KIRREL3: variants seen among roughly 807,000 people sequenced by gnomAD.
The protein encoded by KIRREL3 is kirre like nephrin family adhesion molecule 3.
KIRREL3 carries 36 observed loss-of-function variants against 89.7 expected under a neutral mutation model. The ratio of observed to expected loss-of-function variants is 0.40; its 90% CI spans 0.31 to 0.53. The LOEUF (loss-of-function observed/expected upper bound fraction) is 0.53, where lower values mean the gene tolerates loss of function less well. Ranked by LOEUF, KIRREL3 falls within the 20% of genes least tolerant of loss-of-function variation. The pLI is 0.49. For missense variants in KIRREL3, 864 were observed against 1,056.6 expected, an observed-to-expected ratio of 0.82 and a Z score of 2.53; for synonymous variants, 445 against 441.4, an observed-to-expected ratio of 1.01 and a Z score of -0.10.
Position 126,557,734 on chromosome 11 carries a change from C to T in KIRREL3, c.133+5101G>A, listed in dbSNP as rs1453698563. ...TCGAAGAAATGAGATTCTCAACCTC[C>T]CAGGGCTCTGACTCCCCTGTAAGGC... On this transcript the variant is annotated intron_variant, in intron 2 of 16. Transcript: ENST00000525144. The surrounding 1 kb of genome is among the most constrained non-coding windows in gnomAD (Gnocchi z 5.6). Among the ~76,000 whole-genome samples the T allele has an allele frequency of 6.6e-6, 1 of 152,186 alleles. No individual in the cohort carries two copies. Among genetic ancestry groups the T allele is most frequent in the Non-Finnish European group, 1.5e-5 (1 of 68,034 alleles).
chr11:126,432,205 GC>G lies in KIRREL3; in HGVS notation c.1589-680del, dbSNP rs1435796444. Among the ~76,000 whole-genome samples the G allele has an allele frequency of 6.6e-6, 1 of 152,040 alleles. No individual in the cohort carries two copies. The highest frequency in any genetic ancestry group is 2.4e-5 in the African/African-American group (1 of 41,402). Reference sequence around the variant, plus strand: ...GGTCTGCAGCTTCTCCCTCAAGGCTGCCCCTCTGAGCATCCTTGCACCCCTC... The same window carrying G: ...GGTCTGCAGCTTCTCCCTCAAGGCTGCCCTCTGAGCATCCTTGCACCCCTC... On this transcript the variant is annotated intron_variant, in intron 13 of 16. Transcript: ENST00000525144. This position sits in a 1 kb window ranked among gnomAD's most constrained non-coding sequence, Gnocchi z 6.2.
chr11:126,644,941 G>A (rs1214468604), intron 1 of KIRREL3, among the ~76,000 whole-genome samples: 1 of 152,200 alleles, frequency 6.6e-6, no homozygotes, highest in Non-Finnish European at 1.5e-5. Context: ...AACGTGCCAA[G>A]TCCTACAAGG....
chr11:126,840,647 G>C (rs1806135056), intron 1 of KIRREL3, among the ~76,000 whole-genome samples: 1 of 152,128 alleles, frequency 6.6e-6, no homozygotes, highest in African/African-American at 2.4e-5. Context: ...ATGCCATTCT[G>C]GGTAGCGTGA....
Position 126,454,618 on chromosome 11 carries a change from A to T in KIRREL3, c.848+1731T>A, listed in dbSNP as rs1565467621. ...GAGGAGAGAAGCTGAACTTGTATGG[A>T]GAAACCCAGGCCTGGCAGGTGCAGC... On this transcript the variant is annotated intron_variant, in intron 7 of 16. Transcript: ENST00000525144. This position sits in a 1 kb window ranked among gnomAD's most constrained non-coding sequence, Gnocchi z 5.8. 6.6e-6 allele frequency among the ~76,000 whole-genome samples: 1 copy of T among 152,080 alleles called. No homozygotes were observed. Among genetic ancestry groups the T allele is most frequent in the Non-Finnish European group, 1.5e-5 (1 of 68,004 alleles).
chr11:126,464,764 G>T (rs777309470), intron 5 of KIRREL3, among the ~76,000 whole-genome samples: 15 of 152,126 alleles, frequency 9.9e-5, no homozygotes, highest in Admixed American at 3.3e-4. Flanking sequence ...CCTTTGGAGG[G>T]GCACAGCCCT....
intron 1 of KIRREL3, among the ~76,000 whole-genome samples, chr11:126,902,371 T>A (rs1183009057): frequency 6.6e-6 from 1 of 152,222 alleles, no homozygotes; most frequent in Non-Finnish European, 1.5e-5. Context: ...TTTATTCCAA[T>A]TCTTTGGATT....
rs757950954 is a variant in KIRREL3 at position 126,551,581 on chromosome 11, C to A, written c.133+11254G>T. The stretch of plus-strand genomic sequence containing the variant: ...CTTACAGCAAAAGAATATATATGAT[C>A]ATTTAACAATTAGTCCAGTGCACTG... On this transcript the variant is annotated intron_variant, in intron 2 of 16. Transcript: ENST00000525144. This position sits in a 1 kb window ranked among gnomAD's most constrained non-coding sequence, Gnocchi z 4.9. Among the ~76,000 whole-genome samples, 2 of 151,952 alleles carry A rather than the reference C, an allele frequency of 1.3e-5. No individual in the cohort carries two copies. Among genetic ancestry groups the A allele is most frequent in the Non-Finnish European group, 2.9e-5 (2 of 67,988 alleles).
chr11:126,648,306 A>C (rs1055514492), intron 1 of KIRREL3, among the ~76,000 whole-genome samples: 4 of 152,156 alleles, frequency 2.6e-5, no homozygotes, highest in Non-Finnish European at 5.9e-5. Flanking sequence ...GGATGAGTGC[A>C]CTTGTGCTGG....
intron 1 of KIRREL3, among the ~76,000 whole-genome samples, chr11:126,572,773 C>T (rs1414019223): frequency 6.6e-6 from 1 of 152,146 alleles, no homozygotes; most frequent in Non-Finnish European, 1.5e-5. Flanking sequence ...AGGGGCGGGG[C>T]TGCTATTTAG....
chr11:126,903,069 C>A lies in KIRREL3; in HGVS notation c.55+97386G>T, dbSNP rs1223630248. Among the ~76,000 whole-genome samples, 2 of 152,122 alleles carry A rather than the reference C, an allele frequency of 1.3e-5. No homozygotes were observed. Among genetic ancestry groups the A allele is most frequent in the African/African-American group, 2.4e-5 (1 of 41,432 alleles). ...ATCATTTACTCAGCAGCATATTGTA[C>A]CTTTGCCTATTGTTTTCTTACTTGT... On this transcript the variant is annotated intron_variant, in intron 1 of 16. Coordinates refer to ENST00000525144, the MANE Select transcript of KIRREL3 (RefSeq NM_032531.4). This position sits in a 1 kb window ranked among gnomAD's most constrained non-coding sequence, Gnocchi z 4.5.
intron 1 of KIRREL3, among the ~76,000 whole-genome samples, chr11:126,646,532 T>C (rs896710069): frequency 2.7e-5 from 4 of 147,996 alleles, no homozygotes; most frequent in African/African-American, 5.0e-5. Flanking sequence ...TGGAGTGCAG[T>C]GGCATGACCT....
Position 126,610,737 on chromosome 11 carries a change from G to A in KIRREL3, c.56-47825C>T, listed in dbSNP as rs993348576. ...CCATCCTTCCCTGGGATCTCTTGGA[G>A]GGCTCTCCATCTCTCTTAGAGCAGT... On this transcript the variant is annotated intron_variant, in intron 1 of 16. Transcript: ENST00000525144. The surrounding 1 kb of genome is among the most constrained non-coding windows in gnomAD (Gnocchi z 4.6). 1 of 152,194 alleles carries A rather than the reference G, an allele frequency of 6.6e-6. No individual in the cohort carries two copies. The highest frequency in any genetic ancestry group is 1.5e-5 in the Non-Finnish European group (1 of 68,052). 9.4% of individuals were successfully genotyped at this position (152,194 alleles called of 1,614,324 possible).
chr11:126,708,001 G>T lies in KIRREL3; in HGVS notation c.56-145089C>A, dbSNP rs754296989. 3.3e-5 allele frequency among the ~76,000 whole-genome samples: 5 copies of T among 152,116 alleles called. No homozygotes were observed. Among genetic ancestry groups the T allele is most frequent in the African/African-American group, 1.2e-4 (5 of 41,426 alleles). ...TTACATGGGGTAGCGGGGTCAAGTC[G>T]GTGGAGGGTGAAACAGGCGATTGGC... On this transcript the variant is annotated intron_variant, in intron 1 of 16. Transcript: ENST00000525144. The surrounding 1 kb of genome is among the most constrained non-coding windows in gnomAD (Gnocchi z 5.7).
At chr11:127,002,295 A>T (rs993385189), upstream of KIRREL3, among the ~76,000 whole-genome samples, 1 of 152,250 alleles carries the variant, frequency 6.6e-6, no homozygotes, top group Non-Finnish European at 1.5e-5. Context: ...TGCATCCCTT[A>T]GAGGCTGTTA....
intron 1 of KIRREL3, among the ~76,000 whole-genome samples, chr11:126,919,202 A>T (rs1947169251): frequency 6.6e-6 from 1 of 152,064 alleles, no homozygotes; most frequent in South Asian, 2.1e-4. Context: ...CTCAGTGTGG[A>T]TGCTCCCATG....
At chr11:126,758,761 T>C (rs1334322712) in intron 1 of KIRREL3, among the ~76,000 whole-genome samples, 1 of 152,242 alleles carries the variant, frequency 6.6e-6, no homozygotes, top group Non-Finnish European at 1.5e-5. Context: ...CAAAAATAAC[T>C]ATCGCATTTG....
chr11:126,864,490 C>G (rs897309152), intron 1 of KIRREL3, among the ~76,000 whole-genome samples: 2 of 152,202 alleles, frequency 1.3e-5, no homozygotes, highest in African/African-American at 4.8e-5. Context: ...TTCTGGAATT[C>G]TTATTCCCTG....
chr11:126,431,309 C>G lies in KIRREL3; in HGVS notation c.1696+110G>C, dbSNP rs1223789850. ...CTCCCTGCCCCAGGAGCTCACAGCA[C>G]TGTTAGGACCCCTGTTCATTGCACT... On this transcript the variant is annotated intron_variant, in intron 14 of 16. Transcript: ENST00000525144. This position sits in a 1 kb window ranked among gnomAD's most constrained non-coding sequence, Gnocchi z 7.1. 8 of 1,554,200 alleles carry G rather than the reference C, an allele frequency of 5.1e-6. No homozygotes were observed. Among genetic ancestry groups the G allele is most frequent in the Non-Finnish European group, 6.1e-6 (7 of 1,148,656 alleles).
chr11:126,846,254 C>A (rs1266461488), intron 1 of KIRREL3, among the ~76,000 whole-genome samples: 1 of 152,036 alleles, frequency 6.6e-6, no homozygotes, highest in Non-Finnish European at 1.5e-5. Context: ...GCTTATTAGG[C>A]CCTAGAAACT....
Sources: allele counts gnomAD v4.1 joint callset (sites outside exome capture counted in the v4.1 genomes callset), GRCh38; gene constraint gnomAD v4.1.1; non-coding constraint Gnocchi (gnomAD v3.1); transcripts MANE v1.5; gene names NCBI Gene and HGNC (gene_info 2026-07-23, HGNC 2026-07-21).